The following TMEM63A variants were observed in gnomAD, a reference collection of about 807,000 sequenced individuals.
The protein encoded by TMEM63A is transmembrane protein 63A.
Under a neutral mutation model 100.6 loss-of-function variants are expected in TMEM63A, and 76 were observed. That is an observed-to-expected ratio of 0.76 (90% CI 0.63 to 0.91). TMEM63A has a LOEUF of 0.91. TMEM63A is among the 40% of genes least tolerant of loss of function. TMEM63A has a pLI of 0.00. For missense variants in TMEM63A, 876 were observed against 1,008.8 expected (o/e 0.87, Z 1.78); for synonymous variants, 401 against 401.1 (o/e 1.00, Z 0.00).
At chr1:225,866,403 GTT>G in intron 9 of TMEM63A, 169 bp downstream of exon 9, 1 of 604,818 alleles carries the variant, frequency 1.7e-6, no homozygotes, top group Admixed American at 3.0e-5. Context: ...CCAGGAAACT[GTT>G]TTTTTTAAAG....
chr1:225,848,479 G>A lies in TMEM63A; in HGVS notation c.2250+13C>T, dbSNP rs2102811184. ...AAGGGCGACAAGCTCAGAGGCTGAG[G>A]GGCACAGCTTACTGTGAACGGTGGG... On this transcript the variant is annotated intron_variant, in intron 23 of 24. Coordinates refer to ENST00000366835, the MANE Select transcript of TMEM63A (RefSeq NM_014698.3). The A allele has an allele frequency of 3.1e-6, 5 of 1,613,978 alleles. No individual in the cohort carries two copies. Among genetic ancestry groups the A allele is most frequent in the Non-Finnish European group, 4.2e-6 (5 of 1,179,974 alleles).
chr1:225,872,739 G>C (rs1247967988), intron 4 of TMEM63A, among the ~76,000 whole-genome samples: 1 of 140,368 alleles, frequency 7.1e-6, no homozygotes, highest in African/African-American at 2.7e-5. Context: ...TGTCACCCAA[G>C]CTGGAAGTGC....
At chr1:225,874,503 C>T in intron 3 of TMEM63A, 136 bp from the exon 4 acceptor site, 1 of 693,936 alleles carries the variant, frequency 1.4e-6, no homozygotes, top group Non-Finnish European at 2.4e-6. Context: ...AGAGAGGGCA[C>T]TGAAGTGCCC....
Position 225,853,544 on chromosome 1 carries a change from G to T in TMEM63A, c.1797+85C>A. The T allele has an allele frequency of 7.6e-7, 1 of 1,312,006 alleles. No individual in the cohort carries two copies. Among genetic ancestry groups the T allele is most frequent in the Non-Finnish European group, 1.0e-6 (1 of 975,172 alleles). The allele number at this position is 1,312,006 out of a possible 1,614,324, so 81.3% of individuals were successfully genotyped here. On this transcript the variant is annotated intron_variant, in intron 19 of 24. Coordinates refer to ENST00000366835, the MANE Select transcript of TMEM63A (RefSeq NM_014698.3). The surrounding 1 kb of genome is among the most constrained non-coding windows in gnomAD (Gnocchi z 4.0). ...AGGTAAATGCTACCCACTAGTGGGGGTAGTGGGGGTGAGAGGCCCTCGGGT... is the reference window on the plus strand; with the variant it reads ...AGGTAAATGCTACCCACTAGTGGGGTTAGTGGGGGTGAGAGGCCCTCGGGT...
intron 15 of TMEM63A, among the ~76,000 whole-genome samples, chr1:225,858,950 G>A (rs1306078226): frequency 3.2e-3 from 1 of 312 alleles, no homozygotes; most frequent in East Asian, 0.12. Context: ...TACATATAAT[G>A]TGTGTGTGTG....
At chr1:225,845,505 ACCC>A (rs1242274144), downstream of TMEM63A, 2 of 672,136 alleles carry the variant, frequency 3.0e-6, no homozygotes, top group African/African-American at 3.6e-5. Flanking sequence ...TCACTCCCCA[ACCC>A]CCAACTCCGT....
intron 2 of TMEM63A, among the ~76,000 whole-genome samples, chr1:225,878,660 C>A (rs933916326): frequency 6.6e-6 from 1 of 152,166 alleles, no homozygotes; most frequent in Non-Finnish European, 1.5e-5. Context: ...ATCCTACCTG[C>A]CCAAATCTGG....
chr1:225,843,889 T>C (rs180855382), downstream of TMEM63A, among the ~76,000 whole-genome samples: 54 of 152,330 alleles, frequency 3.5e-4, no homozygotes, highest in Admixed American at 7.2e-4. Flanking sequence ...GAAAAGGCTG[T>C]TCCCTTTATC....
intron 8 of TMEM63A, 91 bp from the exon 9 acceptor site, chr1:225,866,773 T>G (rs1670237064): frequency 8.7e-7 from 1 of 1,147,356 alleles, no homozygotes; most frequent in African/African-American, 1.5e-5. Flanking sequence ...CAGTGGGCAC[T>G]GAACTGAGGA....
At chr1:225,857,782 G>A (rs997396354) in intron 15 of TMEM63A, among the ~76,000 whole-genome samples, 1 of 152,168 alleles carries the variant, frequency 6.6e-6, no homozygotes, top group Non-Finnish European at 1.5e-5. Flanking sequence ...TGTGGTTGAT[G>A]TAAAGTAGAC....
rs375781555 is a variant in TMEM63A, at chr1:225,868,061, C to G, written c.372-31G>C. The G allele has an allele frequency of 8.1e-6, 13 of 1,612,394 alleles. No homozygotes were observed. In the African/African-American group the frequency reaches 1.7e-4, roughly 22 times the overall value. ...CAAGACACAGAGGAATCTTAATGAG[C>G]AGTGGAACAGGCCTCGGGGCTCTGC... On this transcript the variant is annotated intron_variant, in intron 6 of 24. Transcript: ENST00000366835.
chr1:225,866,561 CCG>C lies in TMEM63A; in HGVS notation c.675+11_675+12del. 1 of 1,612,028 alleles carries C rather than the reference CCG, an allele frequency of 6.2e-7. No individual in the cohort carries two copies. On this transcript the variant is annotated intron_variant, in intron 9 of 24. Coordinates refer to ENST00000366835, the MANE Select transcript of TMEM63A (RefSeq NM_014698.3). The stretch of plus-strand genomic sequence containing the variant: ...CCCTCCCAGCACATGTCCCTAAGTC[CCG>C]CCTCACTCACCAGGTTCTCCTCTTT...
intron 22 of TMEM63A, 51 bp downstream of exon 22, chr1:225,848,846 C>T (rs1669167130): frequency 1.3e-5 from 19 of 1,423,760 alleles, no homozygotes; most frequent in Non-Finnish European, 1.8e-5. Context: ...GCCCGTCCCA[C>T]CATCTGTTCC....
intron 15 of TMEM63A, among the ~76,000 whole-genome samples, chr1:225,858,468 G>A (rs1435116099): frequency 6.6e-6 from 1 of 151,804 alleles, no homozygotes; most frequent in African/African-American, 2.4e-5. Context: ...GGGATTATAA[G>A]CGCCCACCAA....
chr1:225,859,246 GGAT>G lies in TMEM63A; in HGVS notation c.1324_1326del (p.Ile442del). The stretch of plus-strand genomic sequence containing the variant: ...ACATTAAACTTGTCCATGGTGGACA[GGAT>G]GATGGAGGGTGTGGTCAGGAAAAAT... On this transcript the variant is annotated inframe_deletion, in exon 15 of 25. Coordinates refer to ENST00000366835, the MANE Select transcript of TMEM63A (RefSeq NM_014698.3). The G allele has an allele frequency of 1.2e-6, 2 of 1,614,146 alleles. 1 individual carries two copies. The highest frequency in any genetic ancestry group is 2.2e-5 in the South Asian group (2 of 91,080).
At chr1:225,863,327 G>A (rs577836414) in intron 10 of TMEM63A, among the ~76,000 whole-genome samples, 2 of 152,262 alleles carry the variant, frequency 1.3e-5, no homozygotes, top group South Asian at 2.1e-4. Flanking sequence ...GATTGTAGGC[G>A]TGAGTCACTG....
rs1393144410 is a variant in TMEM63A at position 225,847,195 on chromosome 1, GA to G, written c.2268del (p.Leu757Ter). The G allele has an allele frequency of 6.2e-7, 1 of 1,613,426 alleles. No homozygotes were observed. The highest frequency in any genetic ancestry group is 1.7e-5 in the Admixed American group (1 of 60,024). On this transcript the variant is annotated frameshift_variant, in exon 24 of 25. Transcript: ENST00000366835. LOFTEE classifies it high-confidence loss of function. ...PPPFTPYVPR[I>X]LNGLASERTA... ...GTCCTCTCCGAGGCCAAGCCGTTCAGAATCCGAGGCACGTAGGGCTGTCAGC... is the reference window on the plus strand; with the variant it reads ...GTCCTCTCCGAGGCCAAGCCGTTCAGATCCGAGGCACGTAGGGCTGTCAGC...
intron 3 of TMEM63A, among the ~76,000 whole-genome samples, chr1:225,876,814 A>AT (rs1670829181): frequency 1.3e-5 from 2 of 152,030 alleles, no homozygotes; most frequent in Admixed American, 6.5e-5. Flanking sequence ...CACCCGGCTA[A>AT]TTTTTTGTAT....
In TMEM63A at chr1:225,853,848, G is replaced by T; in HGVS notation, c.1635-57C>A. 1 of 1,495,998 alleles carries T rather than the reference G, an allele frequency of 6.7e-7. No homozygotes were observed. The highest frequency in any genetic ancestry group is 8.9e-7 in the Non-Finnish European group (1 of 1,121,876). 92.7% of individuals were successfully genotyped at this position (1,495,998 alleles called of 1,614,324 possible). ...GAGAGCCGCTCTTGGAGGGAGAGGA[G>T]GGGCCCCTAGGCTGGGCAGGAGCAG... On this transcript the variant is annotated intron_variant, in intron 18 of 24. Transcript: ENST00000366835. This position sits in a 1 kb window ranked among gnomAD's most constrained non-coding sequence, Gnocchi z 4.0.
Sources: allele counts gnomAD v4.1 joint callset (sites outside exome capture counted in the v4.1 genomes callset), GRCh38; gene constraint gnomAD v4.1.1; non-coding constraint Gnocchi (gnomAD v3.1); transcripts MANE v1.5; gene names NCBI Gene and HGNC (gene_info 2026-07-23, HGNC 2026-07-21).